CDC73: variants seen among roughly 807,000 people sequenced by gnomAD.
The protein encoded by CDC73 is cell division cycle 73, also known as parafibromin.
Under a neutral mutation model 83.7 loss-of-function variants are expected in CDC73, and 21 were observed. The ratio of observed to expected loss-of-function variants is 0.25; its 90% CI spans 0.18 to 0.36. The LOEUF (loss-of-function observed/expected upper bound fraction) is 0.36, where lower values mean the gene tolerates loss of function less well. CDC73 is among the 10% of genes least tolerant of loss of function. The probability of loss-of-function intolerance (pLI) is 1.00; values close to 1 mark genes in which losing one functional copy is unlikely to be tolerated. For synonymous variants in CDC73, 224 were observed against 212.9 expected (o/e 1.05, Z -0.45); for missense variants, 342 against 653.3 (o/e 0.52, Z 5.19).
chr1:193,199,573 A>G (rs957479479), intron 10 of CDC73, among the ~76,000 whole-genome samples: 9 of 151,724 alleles, frequency 5.9e-5, no homozygotes, highest in African/African-American at 1.9e-4. Flanking sequence ...TTAGCCGGAC[A>G]TTGATGGTGC....
At chr1:193,234,006 G>T (rs558813511) in intron 14 of CDC73, among the ~76,000 whole-genome samples, 7 of 151,360 alleles carry the variant, frequency 4.6e-5, no homozygotes, top group Admixed American at 2.0e-4. Context: ...CAGGCATTAA[G>T]AAGTCAAGGC....
intron 10 of CDC73, among the ~76,000 whole-genome samples, chr1:193,163,524 T>C (rs1676379123): frequency 6.6e-6 from 1 of 151,704 alleles, no homozygotes; most frequent in Non-Finnish European, 1.5e-5. Flanking sequence ...AAAAAAGAAG[T>C]TACTTTAAGA....
intron 6 of CDC73, among the ~76,000 whole-genome samples, chr1:193,140,645 G>C (rs758496910): frequency 6.6e-6 from 1 of 152,078 alleles, no homozygotes; most frequent in Non-Finnish European, 1.5e-5. Context: ...GCTATTAAGC[G>C]ACTAACAGGC....
chr1:193,226,701 T>C (rs562845596), intron 13 of CDC73, among the ~76,000 whole-genome samples: 3 of 152,332 alleles, frequency 2.0e-5, no homozygotes, highest in East Asian at 1.9e-4. Flanking sequence ...CTTTTTGATA[T>C]GTTGTTGGAT....
intron 3 of CDC73, among the ~76,000 whole-genome samples, chr1:193,131,208 GC>G (rs1290303277): frequency 1.3e-5 from 2 of 151,910 alleles, no homozygotes; most frequent in Non-Finnish European, 2.9e-5. Context: ...TTTCCCTTCT[GC>G]CCTCACACAG....
At chr1:193,156,781 C>G (rs1158513253) in intron 10 of CDC73, among the ~76,000 whole-genome samples, 2 of 152,082 alleles carry the variant, frequency 1.3e-5, no homozygotes, top group African/African-American at 4.8e-5. Flanking sequence ...TGGAGACTCT[C>G]TTAAAAGCTG....
At chr1:193,152,817 T>C (rs941509706) in intron 10 of CDC73, among the ~76,000 whole-genome samples, 3 of 152,162 alleles carry the variant, frequency 2.0e-5, no homozygotes, top group African/African-American at 7.2e-5. Context: ...TCTCGCTCTG[T>C]CGCCCAGGCT....
intron 11 of CDC73, among the ~76,000 whole-genome samples, chr1:193,209,060 C>T (rs1558311692): frequency 6.6e-6 from 1 of 152,132 alleles, no homozygotes; most frequent in East Asian, 1.9e-4. Flanking sequence ...GGTCTGGGCT[C>T]CCGTACTCTG....
At chr1:193,129,632 C>G (rs1034787194) in intron 2 of CDC73, among the ~76,000 whole-genome samples, 5 of 151,884 alleles carry the variant, frequency 3.3e-5, no homozygotes, top group Non-Finnish European at 7.4e-5. Flanking sequence ...CCTGCCTCAG[C>G]TTCCTGAGCA....
chr1:193,151,225 T>A (rs1280956162), intron 9 of CDC73, among the ~76,000 whole-genome samples: 1 of 152,222 alleles, frequency 6.6e-6, no homozygotes, highest in Non-Finnish European at 1.5e-5. Flanking sequence ...TAATCTGAAA[T>A]CTTCATTTAA....
intron 10 of CDC73, among the ~76,000 whole-genome samples, chr1:193,200,783 G>GCGTA (rs1677079610): frequency 6.6e-6 from 1 of 152,078 alleles, no homozygotes; most frequent in Non-Finnish European, 1.5e-5. Context: ...GTGCGCGCGT[G>GCGTA]CGTATAGCCT....
intron 10 of CDC73, chr1:193,181,520 T>A (rs1279641807): frequency 6.2e-7 from 1 of 1,608,978 alleles, no homozygotes. Flanking sequence ...GCATTCCAGG[T>A]CATCTTTGCA....
rs184685727 is a variant in CDC73, at chr1:193,248,714, G to A, written c.1418-1016G>A. Among the ~76,000 whole-genome samples the A allele has an allele frequency of 6.2e-3, 936 of 152,162 alleles. 29 individuals carry two copies. The highest frequency in any genetic ancestry group is 2.9e-3 in the Non-Finnish European group (194 of 67,936). On this transcript the variant is annotated intron_variant, in intron 15 of 16. Coordinates refer to ENST00000367435, the MANE Select transcript of CDC73 (RefSeq NM_024529.5). ...TCATAGATGACTTTGAGGGGTTCAA[G>A]ACTTCAGTGGAGGAAATAAAGATAG... is the stretch of plus-strand genomic sequence containing the variant.
intron 10 of CDC73, among the ~76,000 whole-genome samples, chr1:193,164,664 TGC>T (rs1224038917): frequency 4.6e-5 from 7 of 152,190 alleles, no homozygotes; most frequent in Admixed American, 1.3e-4. Flanking sequence ...AAGGACTTGT[TGC>T]AAGTCCAGGG....
At position 193,252,977 on chromosome 1, in the gene CDC73, G is replaced by A. The variant is rs1245778309; in HGVS notation, c.*2265G>A. On this transcript the variant is annotated 3_prime_UTR_variant, in exon 17 of 17. Transcript: ENST00000367435. ...TTACAGGGAATGAAGAGAGGTATAA[G>A]TAGATATTTTAATGGAAATGAAGTA... 4.3e-6 allele frequency: 1 copy of A among 231,660 alleles called. No individual in the cohort carries two copies. Among genetic ancestry groups the A allele is most frequent in the Non-Finnish European group, 8.5e-6 (1 of 117,102 alleles). The allele number at this position is 231,660 out of a possible 1,614,324, so 14.4% of individuals were successfully genotyped here.
At chr1:193,142,117 G>C (rs1356845007) in intron 7 of CDC73, 51 bp downstream of exon 7, 197 of 1,366,948 alleles carry the variant, frequency 1.4e-4, no homozygotes, top group Non-Finnish European at 1.8e-4. Flanking sequence ...GAGAGAGAGA[G>C]TGCGTTTAAT....
In CDC73 at chr1:193,205,321, T is replaced by G. The variant is rs933746679; in HGVS notation, c.1030+1469T>G. Among the ~76,000 whole-genome samples the G allele has an allele frequency of 3.3e-5, 5 of 150,674 alleles. No individual in the cohort carries two copies. In the South Asian group the frequency reaches 1.0e-3, roughly 32 times the overall value. Reference sequence around the variant, plus strand: ...AATCTTCTGCATGAATTTCACAGTATCAATAGTGCAGATTTGGATATCCTC... The same window carrying G: ...AATCTTCTGCATGAATTTCACAGTAGCAATAGTGCAGATTTGGATATCCTC... On this transcript the variant is annotated intron_variant, in intron 11 of 16. Transcript: ENST00000367435.
intron 13 of CDC73, among the ~76,000 whole-genome samples, chr1:193,229,409 G>T (rs913902036): frequency 6.6e-6 from 1 of 152,178 alleles, no homozygotes; most frequent in Non-Finnish European, 1.5e-5. Flanking sequence ...GGTCATAAGG[G>T]CTCTGCCCTC....
chr1:193,138,237 A>T, intron 6 of CDC73, 64 bp downstream of exon 6: 1 of 1,048,994 alleles, frequency 9.5e-7, no homozygotes, highest in Non-Finnish European at 1.5e-6. Flanking sequence ...AAGGAAAAGG[A>T]ATATTAAAAT....
Sources: allele counts gnomAD v4.1 joint callset (sites outside exome capture counted in the v4.1 genomes callset), GRCh38; gene constraint gnomAD v4.1.1; transcripts MANE v1.5; gene names NCBI Gene and HGNC (gene_info 2026-07-23, HGNC 2026-07-21).